PZP: variants seen among roughly 807,000 people sequenced by gnomAD.
PZP encodes the protein pregnancy zone protein.
In PZP, 150 loss-of-function variants were observed where a neutral mutation model predicts 179.8. The ratio of observed to expected loss-of-function variants is 0.83; its 90% CI spans 0.73 to 0.96. PZP has a LOEUF of 0.96. Ranked by LOEUF, PZP falls within the 40% of genes least tolerant of loss-of-function variation. The pLI is 0.00. For synonymous variants in PZP, 624 were observed against 652.3 expected (o/e 0.96, Z 0.66); for missense variants, 1,689 against 1,764.0 (o/e 0.96, Z 0.76).
chr12:9,192,807 T>C (rs912684089), intron 11 of PZP, 68 bp from the exon 12 acceptor site: 67 of 1,144,544 alleles, frequency 5.9e-5, no homozygotes, highest in Non-Finnish European at 7.9e-5. Flanking sequence ...CTCACCAAAA[T>C]GAATAGTTAC....
In PZP at chr12:9,156,928, T is replaced by A. The variant is rs191420792; in HGVS notation, c.3550+247A>T. Among the ~76,000 whole-genome samples the A allele has an allele frequency of 3.5e-3, 532 of 152,196 alleles. 3 individuals carry two copies. The highest frequency in any genetic ancestry group is 7.4e-3 in the Admixed American group (113 of 15,300). On this transcript the variant is annotated intron_variant, in intron 28 of 35. Coordinates refer to ENST00000261336, the MANE Select transcript of PZP (RefSeq NM_002864.3). ...TATTTATCTATTTATTTATTTATTT[T>A]TTAAATGTTATTTTATTTTAAGTTC...
intron 27 of PZP, 51 bp downstream of exon 27, chr12:9,157,716 C>G (rs1340632702): frequency 5.2e-6 from 8 of 1,535,112 alleles, no homozygotes; most frequent in Non-Finnish European, 6.3e-6. Flanking sequence ...GCATTCCAGA[C>G]AGCAAATCTA....
chr12:9,151,547 G>T, intron 33 of PZP, 57 bp downstream of exon 33: 1 of 1,392,430 alleles, frequency 7.2e-7, no homozygotes, highest in Non-Finnish European at 1.0e-6. Flanking sequence ...CTAGTAAAGA[G>T]ACTCACTTAG....
rs765361766 is a variant in PZP at position 9,207,542 on chromosome 12, G to A, written c.83+717C>T. Among the ~76,000 whole-genome samples, 6 of 152,344 alleles carry A rather than the reference G, an allele frequency of 3.9e-5. No individual in the cohort carries two copies. The East Asian group carries it at 1.2e-3, about 29-fold the overall frequency. ...TGAAACAGCTGAAGTGAGACAGTCA[G>A]TTAGAGAGGACTGTTGGGTCCTGAA... is the stretch of plus-strand genomic sequence containing the variant. On this transcript the variant is annotated intron_variant, in intron 1 of 35. Coordinates refer to ENST00000261336, the MANE Select transcript of PZP (RefSeq NM_002864.3).
intron 13 of PZP, among the ~76,000 whole-genome samples, chr12:9,186,174 A>C (rs1943107961): frequency 6.6e-6 from 1 of 152,212 alleles, no homozygotes; most frequent in Non-Finnish European, 1.5e-5. Context: ...TCATAAGTGA[A>C]GGAGAAATAA....
intron 1 of PZP, among the ~76,000 whole-genome samples, chr12:9,207,767 TACAATTA>T (rs1944510241): frequency 6.6e-6 from 1 of 152,220 alleles, no homozygotes; most frequent in African/African-American, 2.4e-5. Context: ...AAAGAAGTCT[TACAATTA>T]TTGAGTTGTA....
intron 2 of PZP, among the ~76,000 whole-genome samples, chr12:9,203,363 A>G (rs1944278677): frequency 8.5e-6 from 1 of 117,310 alleles, no homozygotes; most frequent in Non-Finnish European, 1.7e-5. Context: ...TTTTTTTGAG[A>G]CGGAGTCTCG....
At chr12:9,180,669 A>G (rs1387858451) in intron 15 of PZP, among the ~76,000 whole-genome samples, 1 of 152,248 alleles carries the variant, frequency 6.6e-6, no homozygotes, top group African/African-American at 2.4e-5. Flanking sequence ...TTAAAGACTT[A>G]AATGTTAGAC....
At chr12:9,159,763 C>T (rs1941034855) in intron 25 of PZP, among the ~76,000 whole-genome samples, 175 bp downstream of exon 25, 1 of 151,468 alleles carries the variant, frequency 6.6e-6, no homozygotes, top group African/African-American at 2.4e-5. Flanking sequence ...CTAGATGCGG[C>T]CCCTAGACTT....
chr12:9,181,229 A>G, intron 14 of PZP, 97 bp from the exon 15 acceptor site: 3 of 1,462,538 alleles, frequency 2.1e-6, no homozygotes, highest in Non-Finnish European at 2.8e-6. Flanking sequence ...TTCAGTTCAT[A>G]TGACTATGTT....
At chr12:9,201,958 A>T (rs1944186375) in intron 4 of PZP, among the ~76,000 whole-genome samples, 1 of 152,178 alleles carries the variant, frequency 6.6e-6, no homozygotes, top group Non-Finnish European at 1.5e-5. Context: ...TCTATTGTAT[A>T]TACCTATATA....
At chr12:9,150,077 C>T (rs1026120360) in intron 34 of PZP, among the ~76,000 whole-genome samples, 1 of 152,186 alleles carries the variant, frequency 6.6e-6, no homozygotes, top group African/African-American at 2.4e-5. Flanking sequence ...TTTTGCCTCT[C>T]AAACTTATTG....
chr12:9,160,964 C>G, intron 23 of PZP, 69 bp downstream of exon 23: 1 of 1,247,192 alleles, frequency 8.0e-7, no homozygotes, highest in East Asian at 2.3e-5. Context: ...AATTCAAATA[C>G]AAATACGTAG....
chr12:9,137,108 C>T, the PZP span, among the ~76,000 whole-genome samples: 1 of 152,112 alleles, frequency 6.6e-6, no homozygotes, highest in Non-Finnish European at 1.5e-5. Context: ...TTGCCAAGAC[C>T]AAGATCATAA....
chr12:9,154,378 A>G (rs1940586699), intron 29 of PZP, among the ~76,000 whole-genome samples: 1 of 152,196 alleles, frequency 6.6e-6, no homozygotes, highest in Non-Finnish European at 1.5e-5. Flanking sequence ...GTGGCTTTAG[A>G]GGGTAAAGAT....
chr12:9,201,945 T>A (rs974538831), intron 4 of PZP, among the ~76,000 whole-genome samples: 3 of 152,150 alleles, frequency 2.0e-5, no homozygotes, highest in African/African-American at 7.2e-5. Context: ...AATTATAATA[T>A]GGTCTATTGT....
chr12:9,143,936 C>T (rs191138957), downstream of PZP, among the ~76,000 whole-genome samples: 1 of 152,292 alleles, frequency 6.6e-6, no homozygotes, highest in Admixed American at 6.5e-5. Context: ...GACCCAGAAT[C>T]CTCTTTCTAA....
At position 9,151,604 on chromosome 12, in the gene PZP, C is replaced by G; in HGVS notation, c.4281G>C (p.Gln1427His). The G allele has an allele frequency of 6.2e-7, 1 of 1,613,364 alleles. No individual in the cohort carries two copies. The highest frequency in any genetic ancestry group is 8.5e-7 in the Non-Finnish European group (1 of 1,179,448). The stretch of plus-strand genomic sequence containing the variant: ...TCAGCCAGGATGTCAGAGCCCTCAC[C>G]TGTTCCACATAAATGAGGACATGGT... Reference protein sequence around the residue: ...SNNHVLIYVEQVTNQTLSFSF... With the variant: ...SNNHVLIYVEHVTNQTLSFSF... Residue 1427 changes from glutamine (Q) to histidine (H), a missense_variant and splice_region_variant, in exon 33 of 36, where the codon CAG (glutamine) becomes CAC (histidine). By Grantham distance (24) the Gln-to-His change is conservative. This residue lies in a region of PZP where 746 missense variants were observed against 749.2 expected (regional missense o/e 1.00). Coordinates refer to ENST00000261336, the MANE Select transcript of PZP (RefSeq NM_002864.3).
chr12:9,201,113 GA>G (rs925506932), intron 5 of PZP, 53 bp from the exon 6 acceptor site: 11 of 1,590,390 alleles, frequency 6.9e-6, no homozygotes, highest in Admixed American at 3.4e-5. Flanking sequence ...AATAGTCCTT[GA>G]GCAACTCAAA....
Sources: allele counts gnomAD v4.1 joint callset (sites outside exome capture counted in the v4.1 genomes callset), GRCh38; gene constraint gnomAD v4.1.1; regional missense constraint gnomAD v4.1.1; transcripts MANE v1.5; gene names NCBI Gene and HGNC (gene_info 2026-07-23, HGNC 2026-07-21).